The following RBM34 variants were observed in gnomAD, a reference collection of about 807,000 sequenced individuals.
The protein encoded by RBM34 is RNA-binding protein 34.
A neutral mutation model predicts 44.6 loss-of-function variants in RBM34; 39 were observed. The ratio of observed to expected loss-of-function variants is 0.87; its 90% CI spans 0.68 to 1.14. RBM34 has a LOEUF of 1.14. Ranked by LOEUF, RBM34 falls within the 50% of genes most tolerant of loss-of-function variation. The pLI, the probability that RBM34 is intolerant of heterozygous loss-of-function variation, is 0.00. For missense variants in RBM34, 572 were observed against 517.9 expected (o/e 1.10, Z -1.01); for synonymous variants, 194 against 184.0 (o/e 1.05, Z -0.44).
chr1:235,152,578 G>A (rs1178094625), intron 5 of RBM34, 128 bp downstream of exon 5: 8 of 1,438,558 alleles, frequency 5.6e-6, no homozygotes, highest in Non-Finnish European at 7.3e-6. Context: ...TCTTTTCTTG[G>A]GTTAAATTTG....
rs1390531756 is a variant in RBM34, at chr1:235,135,292, G to A, written c.1008+360C>T. ...GGCCCAGGCTGGAGTGCAGTGGCAC[G>A]ATCTCGGCTCACTGCAACCTCCACC... On this transcript the variant is annotated intron_variant, in intron 10 of 10. Coordinates refer to ENST00000408888, the MANE Select transcript of RBM34 (RefSeq NM_015014.4). 6.8e-5 allele frequency among the ~76,000 whole-genome samples: 10 copies of A among 147,494 alleles called. No homozygotes were observed. The East Asian group carries it at 1.4e-3, about 21-fold the overall frequency.
rs377757987 is a variant in RBM34 at position 235,137,517 on chromosome 1, G to A, written c.849+360C>T. 1.6e-3 allele frequency among the ~76,000 whole-genome samples: 241 copies of A among 151,798 alleles called. 2 individuals carry two copies. The highest frequency in any genetic ancestry group is 5.7e-3 in the African/African-American group (234 of 41,344). On this transcript the variant is annotated intron_variant, in intron 8 of 10. Coordinates refer to ENST00000408888, the MANE Select transcript of RBM34 (RefSeq NM_015014.4). ...AGCCTTCTGAGTAGCTGGGACTGTC[G>A]GCATGCATCACACACTTGACTAATT...
At chr1:235,144,929 G>C (rs1477131315) in intron 6 of RBM34, among the ~76,000 whole-genome samples, 1 of 152,034 alleles carries the variant, frequency 6.6e-6, no homozygotes, top group African/African-American at 2.4e-5. Flanking sequence ...TGTAATCCCA[G>C]CTACTCAGTA....
At position 235,152,688 on chromosome 1, in the gene RBM34, CG is replaced by C; in HGVS notation, c.657+17del. On this transcript the variant is annotated intron_variant, in intron 5 of 10. Transcript: ENST00000408888. Reference sequence around the variant, plus strand: ...TAAATTTTAATATTATGTAATTTTACGGGGGAATGAAACATACCAGAGAACG... The same window carrying C: ...TAAATTTTAATATTATGTAATTTTACGGGGAATGAAACATACCAGAGAACG... 1 of 1,592,974 alleles carries C rather than the reference CG, an allele frequency of 6.3e-7. No homozygotes were observed. The highest frequency in any genetic ancestry group is 8.5e-7 in the Non-Finnish European group (1 of 1,169,850).
chr1:235,137,540 ATTTTTTT>A (rs558945575), intron 8 of RBM34, among the ~76,000 whole-genome samples: 1 of 140,772 alleles, frequency 7.1e-6, no homozygotes, highest in African/African-American at 2.6e-5. Flanking sequence ...CACTTGACTA[ATTTTTTT>A]TTTTTTTTTT....
chr1:235,153,163 C>A (rs964419440), intron 4 of RBM34, among the ~76,000 whole-genome samples: 6 of 152,010 alleles, frequency 3.9e-5, no homozygotes, highest in Non-Finnish European at 7.4e-5. Context: ...AGCCACCGCA[C>A]CCGGCCTACT....
At chr1:235,158,202 G>A (rs1662533781) in intron 3 of RBM34, among the ~76,000 whole-genome samples, 1 of 151,998 alleles carries the variant, frequency 6.6e-6, no homozygotes, top group Non-Finnish European at 1.5e-5. Context: ...ATCACCTGAG[G>A]TCAGGAGTTC....
chr1:235,138,123 C>T lies in RBM34; in HGVS notation c.753G>A (p.Lys251=). The T allele has an allele frequency of 6.2e-7, 1 of 1,610,122 alleles. No homozygotes were observed. Among genetic ancestry groups the T allele is most frequent in the Non-Finnish European group, 8.5e-7 (1 of 1,178,556 alleles). ...ATGCTTGCGTGGCAGCACTCTCCTC[C>T]TTAAACACAACATAGGCATTAATAT... ...QKNINAYVVF[K]EESAATQALK... The change falls in exon 7 of 11, where the codon AAG becomes AAA. Residue 251 remains lysine, a synonymous_variant. Transcript: ENST00000408888.
intron 2 of RBM34, 53 bp downstream of exon 2, chr1:235,160,840 T>C: frequency 6.3e-7 from 1 of 1,589,394 alleles, no homozygotes; most frequent in East Asian, 2.2e-5. Flanking sequence ...GAAGATTGCT[T>C]TGTATGTAAG....
intron 5 of RBM34, among the ~76,000 whole-genome samples, chr1:235,152,263 G>A (rs1271817340): frequency 6.6e-6 from 1 of 152,094 alleles, no homozygotes; most frequent in Non-Finnish European, 1.5e-5. Context: ...CTTCTATAAA[G>A]TTTTAATATT....
At chr1:235,159,130 T>C (rs1479244852) in intron 3 of RBM34, among the ~76,000 whole-genome samples, 1 of 150,288 alleles carries the variant, frequency 6.7e-6, no homozygotes, top group Non-Finnish European at 1.5e-5. Context: ...GGCGGCTGGA[T>C]TGAGTCTGGG....
At chr1:235,136,613 T>C (rs1175157776) in intron 8 of RBM34, among the ~76,000 whole-genome samples, 1 of 152,204 alleles carries the variant, frequency 6.6e-6, no homozygotes, top group Non-Finnish European at 1.5e-5. Context: ...CTCCACTAAG[T>C]TCCTTTGATA....
chr1:235,132,528 C>CG (rs1661251638), intron 10 of RBM34, among the ~76,000 whole-genome samples: 2 of 152,138 alleles, frequency 1.3e-5, no homozygotes, highest in Admixed American at 1.3e-4. Context: ...AGAATGGTCT[C>CG]GATCTCTTGA....
intron 4 of RBM34, among the ~76,000 whole-genome samples, chr1:235,153,271 AAAAAG>A (rs1324982064): frequency 2.6e-5 from 4 of 152,106 alleles, no homozygotes; most frequent in African/African-American, 4.8e-5. Flanking sequence ...TCAAAAAAAA[AAAAAG>A]AAAACACAAT....
At chr1:235,139,109 T>C (rs1031553471) in intron 6 of RBM34, among the ~76,000 whole-genome samples, 1 of 152,188 alleles carries the variant, frequency 6.6e-6, no homozygotes, top group African/African-American at 2.4e-5. Context: ...ATTAAGTCAC[T>C]AGGTTTGCAA....
chr1:235,132,606 C>T (rs1025351876), intron 10 of RBM34, among the ~76,000 whole-genome samples: 4 of 152,090 alleles, frequency 2.6e-5, no homozygotes, highest in African/African-American at 9.7e-5. Context: ...CGCGCCTGGC[C>T]CCCATATGCA....
intron 5 of RBM34, among the ~76,000 whole-genome samples, chr1:235,152,294 T>C (rs1662198152): frequency 6.6e-6 from 1 of 152,208 alleles, no homozygotes; most frequent in Non-Finnish European, 1.5e-5. Context: ...AAATTCTTTA[T>C]CTGTCTGTGC....
In RBM34 at chr1:235,131,946, CCAT is replaced by C; in HGVS notation, c.1057_1059del (p.Met353del). ...GAACGCATGACTCTGAGTTTTCTCC[CCAT>C]GAGTTCAGAATTATTTAATTTCAGA... On this transcript the variant is annotated inframe_deletion, in exon 11 of 11. Transcript: ENST00000408888. 1 of 1,611,036 alleles carries C rather than the reference CCAT, an allele frequency of 6.2e-7. No homozygotes were observed. Among genetic ancestry groups the C allele is most frequent in the Non-Finnish European group, 8.5e-7 (1 of 1,178,426 alleles).
intron 6 of RBM34, among the ~76,000 whole-genome samples, chr1:235,140,406 G>A (rs1325453399): frequency 1.3e-5 from 2 of 152,202 alleles, no homozygotes; most frequent in Admixed American, 6.5e-5. Flanking sequence ...AGGCCCTGCC[G>A]GCCCCGGGCA....
Sources: gnomAD v4.1 joint callset for allele counts (sites outside exome capture counted in the v4.1 genomes callset) on GRCh38, gnomAD v4.1.1 for gene constraint, MANE v1.5 for transcripts, NCBI Gene and HGNC (gene_info 2026-07-23, HGNC 2026-07-21) for gene names.